Variants in KRTAP19-7 observed in about 807,000 individuals in gnomAD.
KRTAP19-7 encodes the protein keratin-associated protein 19-7.
For synonymous variants in KRTAP19-7, 38 were observed against 31.6 expected (o/e 1.20, Z -0.67); for missense variants, 76 against 78.5 (o/e 0.97, Z 0.12).
In KRTAP19-7 at chr21:30,561,199, T is replaced by C; in HGVS notation, c.91A>G (p.Ser31Gly). 1 of 1,614,104 alleles carries C rather than the reference T, an allele frequency of 6.2e-7. No homozygotes were observed. The highest frequency in any genetic ancestry group is 8.5e-7 in the Non-Finnish European group (1 of 1,179,970). Residue 31 changes from serine (S) to glycine (G), a missense_variant, in exon 1 of 1, where the codon AGC (serine) becomes GGC (glycine). Coordinates refer to ENST00000334849, the MANE Select transcript of KRTAP19-7 (RefSeq NM_181614.3). ...CAGCCATAGCCCAGTCTGCGGAAGC[T>C]GCCACATCCACAGCTATAGCCATAG... ...LGYGYSCGCG[S>G]FRRLGYGCGY...
Position 30,561,106 on chromosome 21 carries a change from A to G in KRTAP19-7, c.184T>C (p.Phe62Leu). Residue 62 changes from phenylalanine to leucine, a missense_variant, in exon 1 of 1, where the codon TTC becomes CTC. By Grantham distance (22) the Phe-to-Leu change is conservative. Coordinates refer to ENST00000334849, the MANE Select transcript of KRTAP19-7 (RefSeq NM_181614.3). ...SCYGGYWSSGFY is the reference protein window; with the variant it reads ...SCYGGYWSSGLY The stretch of plus-strand genomic sequence containing the variant: ...ATATTTCAAGTATTTATTCAATAGA[A>G]TCCAGAAGACCAGTATCCCCCATAG... 1 of 1,613,978 alleles carries G rather than the reference A, an allele frequency of 6.2e-7. No individual in the cohort carries two copies. Among genetic ancestry groups the G allele is most frequent in the Non-Finnish European group, 8.5e-7 (1 of 1,179,868 alleles).
rs758476788 is a variant in KRTAP19-7, at chr21:30,561,173, A to ACAGCCATAGCCC, written c.105_116dup (p.Gly38_Cys39insTrpGlyTyrGly). The ACAGCCATAGCCC allele has an allele frequency of 4.3e-6, 7 of 1,614,134 alleles. No homozygotes were observed. In the South Asian group the frequency reaches 7.7e-5, roughly 18 times the overall value. On this transcript the variant is annotated inframe_insertion, in exon 1 of 1. Transcript: ENST00000334849. ...AGCTGTATCTGTAGCCTCCATAGCCACAGCCATAGCCCAGTCTGCGGAAGC... is the reference window on the plus strand; with the variant it reads ...AGCTGTATCTGTAGCCTCCATAGCCACAGCCATAGCCCCAGCCATAGCCCAGTCTGCGGAAGC...
Position 30,560,949 on chromosome 21 carries a change from A to G in KRTAP19-7, c.*149T>C. On this transcript the variant is annotated 3_prime_UTR_variant, in exon 1 of 1. Coordinates refer to ENST00000334849, the MANE Select transcript of KRTAP19-7 (RefSeq NM_181614.3). Reference sequence around the variant, plus strand: ...CATCACTAATCAAATGCCAATATCTAGTTGATCAAGTTTTCTTCACACTAT... The same window carrying G: ...CATCACTAATCAAATGCCAATATCTGGTTGATCAAGTTTTCTTCACACTAT... 2.7e-6 allele frequency: 2 copies of G among 732,904 alleles called. No homozygotes were observed. The highest frequency in any genetic ancestry group is 4.6e-6 in the Non-Finnish European group (2 of 436,512). 45.4% of individuals were successfully genotyped at this position (732,904 alleles called of 1,614,324 possible). A position where few individuals can be genotyped will look rare whatever the true frequency, so the allele number is the denominator to read the frequency against.
Position 30,560,910 on chromosome 21 carries a change from G to A in KRTAP19-7, c.*188C>T, listed in dbSNP as rs1354466853. 5 of 598,808 alleles carry A rather than the reference G, an allele frequency of 8.3e-6. No individual in the cohort carries two copies. Among genetic ancestry groups the A allele is most frequent in the African/African-American group, 7.4e-5 (4 of 53,792 alleles). 37.1% of individuals were successfully genotyped at this position (598,808 alleles called of 1,614,324 possible). A position where few individuals can be genotyped will look rare whatever the true frequency, so the allele number is the denominator to read the frequency against. On this transcript the variant is annotated 3_prime_UTR_variant, in exon 1 of 1. Transcript: ENST00000334849. Reference sequence around the variant, plus strand: ...ATGGCTCTCCAGCCAATAAAAAAGTGAATATCTGGAGAACATCACTAATCA... The same window carrying A: ...ATGGCTCTCCAGCCAATAAAAAAGTAAATATCTGGAGAACATCACTAATCA...
rs373438605 is a variant in KRTAP19-7, at chr21:30,561,018, A to G, written c.*80T>C. 1,220 of 1,409,078 alleles carry G rather than the reference A, an allele frequency of 8.7e-4. 13 individuals carry two copies. In the South Asian group the frequency reaches 0.013, roughly 15 times the overall value. The allele number at this position is 1,409,078 out of a possible 1,614,324, so 87.3% of individuals were successfully genotyped here. A position where few individuals can be genotyped will look rare whatever the true frequency, so the allele number is the denominator to read the frequency against. On this transcript the variant is annotated 3_prime_UTR_variant, in exon 1 of 1. Transcript: ENST00000334849. ...CCAAGCAGCTGTTTTGTTATGGAAT[A>G]TGGAATTCCATATGGTTATGGAATA...
chr21:30,561,143 G>A lies in KRTAP19-7; in HGVS notation c.147C>T (p.Cys49=), dbSNP rs1208162844. Residue 49 remains cysteine (C), a synonymous_variant, in exon 1 of 1, where the codon TGC becomes TGT. Coordinates refer to ENST00000334849, the MANE Select transcript of KRTAP19-7 (RefSeq NM_181614.3). ...CGYGGYRYSC[C]HPSCYGGYWS... The stretch of plus-strand genomic sequence containing the variant: ...AGTATCCCCCATAGCATGATGGGTG[G>A]CAGCAGCTGTATCTGTAGCCTCCAT... The A allele has an allele frequency of 6.2e-7, 1 of 1,613,936 alleles. No homozygotes were observed. The highest frequency in any genetic ancestry group is 2.2e-5 in the East Asian group (1 of 44,870).
Position 30,561,066 on chromosome 21 carries a change from A to T in KRTAP19-7, c.*32T>A. On this transcript the variant is annotated 3_prime_UTR_variant, in exon 1 of 1. Transcript: ENST00000334849. ...ATAAAGTTTCTTGGAAGAATTGGGAATCTCACAGAAGACTATATTTCAAGT... is the reference window on the plus strand; with the variant it reads ...ATAAAGTTTCTTGGAAGAATTGGGATTCTCACAGAAGACTATATTTCAAGT... 1 of 1,601,054 alleles carries T rather than the reference A, an allele frequency of 6.2e-7. No individual in the cohort carries two copies. The highest frequency in any genetic ancestry group is 1.1e-5 in the South Asian group (1 of 90,382).
In KRTAP19-7 at chr21:30,561,147, C is replaced by T. The variant is rs1328296264; in HGVS notation, c.143G>A (p.Cys48Tyr). 1 of 1,614,088 alleles carries T rather than the reference C, an allele frequency of 6.2e-7. No homozygotes were observed. The highest frequency in any genetic ancestry group is 1.1e-5 in the South Asian group (1 of 91,078). The change falls in exon 1 of 1, where the codon TGC (cysteine) becomes TAC (tyrosine). Residue 48 changes from cysteine (C) to tyrosine (Y), a missense_variant. Physicochemically the swap from Cys to Tyr is radical, Grantham distance 194 (BLOSUM62 -2). Coordinates refer to ENST00000334849, the MANE Select transcript of KRTAP19-7 (RefSeq NM_181614.3). ...GCGYGGYRYSCCHPSCYGGYW... is the reference protein window; with the variant it reads ...GCGYGGYRYSYCHPSCYGGYW... Reference sequence around the variant, plus strand: ...TCCCCCATAGCATGATGGGTGGCAGCAGCTGTATCTGTAGCCTCCATAGCC... The same window carrying T: ...TCCCCCATAGCATGATGGGTGGCAGTAGCTGTATCTGTAGCCTCCATAGCC...
chr21:30,561,124 C>T lies in KRTAP19-7; in HGVS notation c.166G>A (p.Gly56Arg). Residue 56 changes from glycine to arginine, a missense_variant, in exon 1 of 1, where the codon GGA (glycine) becomes AGA (arginine). Gly to Arg is a moderately radical substitution (Grantham distance 125, BLOSUM62 -2). Transcript: ENST00000334849. ...YSCCHPSCYGGYWSSGFY is the reference protein window; with the variant it reads ...YSCCHPSCYGRYWSSGFY Reference sequence around the variant, plus strand: ...CAATAGAATCCAGAAGACCAGTATCCCCCATAGCATGATGGGTGGCAGCAG... The same window carrying T: ...CAATAGAATCCAGAAGACCAGTATCTCCCATAGCATGATGGGTGGCAGCAG... 6.2e-7 allele frequency: 1 copy of T among 1,614,018 alleles called. No homozygotes were observed. Among genetic ancestry groups the T allele is most frequent in the Non-Finnish European group, 8.5e-7 (1 of 1,179,950 alleles).
Position 30,561,048 on chromosome 21 carries a change from T to G in KRTAP19-7, c.*50A>C. On this transcript the variant is annotated 3_prime_UTR_variant, in exon 1 of 1. Transcript: ENST00000334849. Reference sequence around the variant, plus strand: ...ATTCCATATGGTTATGGAATAAAGTTTCTTGGAAGAATTGGGAATCTCACA... The same window carrying G: ...ATTCCATATGGTTATGGAATAAAGTGTCTTGGAAGAATTGGGAATCTCACA... 2.5e-6 allele frequency: 4 copies of G among 1,577,500 alleles called. No individual in the cohort carries two copies. The highest frequency in any genetic ancestry group is 3.5e-6 in the Non-Finnish European group (4 of 1,150,298).
At position 30,561,035 on chromosome 21, in the gene KRTAP19-7, T is replaced by TA; in HGVS notation, c.*62dup. 6.5e-7 allele frequency: 1 copy of TA among 1,535,484 alleles called. No individual in the cohort carries two copies. Among genetic ancestry groups the TA allele is most frequent in the East Asian group, 2.2e-5 (1 of 44,456 alleles). ...TATGGAATATGGAATTCCATATGGTTATGGAATAAAGTTTCTTGGAAGAAT... is the reference window on the plus strand; with the variant it reads ...TATGGAATATGGAATTCCATATGGTTAATGGAATAAAGTTTCTTGGAAGAAT... On this transcript the variant is annotated 3_prime_UTR_variant, in exon 1 of 1. Coordinates refer to ENST00000334849, the MANE Select transcript of KRTAP19-7 (RefSeq NM_181614.3).
Position 30,560,880 on chromosome 21 carries a change from GTA to G in KRTAP19-7, c.*216_*217del. ...ATATTGAAAGACAATCTTTCTTAGA[GTA>G]TAATGGCTCTCCAGCCAATAAAAAA... is the stretch of plus-strand genomic sequence containing the variant. On this transcript the variant is annotated 3_prime_UTR_variant, in exon 1 of 1. Transcript: ENST00000334849. 1 of 544,372 alleles carries G rather than the reference GTA, an allele frequency of 1.8e-6. No homozygotes were observed. The highest frequency in any genetic ancestry group is 3.3e-6 in the Non-Finnish European group (1 of 307,034). The allele number at this position is 544,372 out of a possible 1,614,324, so 33.7% of individuals were successfully genotyped here. A position where few individuals can be genotyped will look rare whatever the true frequency, so the allele number is the denominator to read the frequency against.
chr21:30,561,263 TC>T, the KRTAP19-7 span: 1 of 1,614,052 alleles, frequency 6.2e-7, no homozygotes. Context: ...AGCCTAGGCC[TC>T]CATAGTAGCT....
chr21:30,560,893 C>T lies in KRTAP19-7; in HGVS notation c.*205G>A. The T allele has an allele frequency of 1.8e-6, 1 of 568,842 alleles. No homozygotes were observed. Among genetic ancestry groups the T allele is most frequent in the Non-Finnish European group, 3.1e-6 (1 of 322,762 alleles). 35.2% of individuals were successfully genotyped at this position (568,842 alleles called of 1,614,324 possible). The stretch of plus-strand genomic sequence containing the variant: ...ATCTTTCTTAGAGTATAATGGCTCT[C>T]CAGCCAATAAAAAAGTGAATATCTG... On this transcript the variant is annotated 3_prime_UTR_variant, in exon 1 of 1. Coordinates refer to ENST00000334849, the MANE Select transcript of KRTAP19-7 (RefSeq NM_181614.3).
Position 30,560,891 on chromosome 21 carries a change from C to T in KRTAP19-7, c.*207G>A. ...CAATCTTTCTTAGAGTATAATGGCT[C>T]TCCAGCCAATAAAAAAGTGAATATC... On this transcript the variant is annotated 3_prime_UTR_variant, in exon 1 of 1. Transcript: ENST00000334849. 3.5e-6 allele frequency: 2 copies of T among 566,576 alleles called. No homozygotes were observed. Among genetic ancestry groups the T allele is most frequent in the Middle Eastern group, 9.6e-4 (2 of 2,088 alleles). 35.1% of individuals were successfully genotyped at this position (566,576 alleles called of 1,614,324 possible).
In KRTAP19-7 at chr21:30,560,998, C is replaced by T; in HGVS notation, c.*100G>A. On this transcript the variant is annotated 3_prime_UTR_variant, in exon 1 of 1. Coordinates refer to ENST00000334849, the MANE Select transcript of KRTAP19-7 (RefSeq NM_181614.3). ...ATTGTCAAAAGGCAGGTGATCCAAG[C>T]AGCTGTTTTGTTATGGAATATGGAA... is the stretch of plus-strand genomic sequence containing the variant. 3.3e-6 allele frequency: 4 copies of T among 1,200,682 alleles called. No individual in the cohort carries two copies. The highest frequency in any genetic ancestry group is 4.8e-6 in the Non-Finnish European group (4 of 830,998). The allele number at this position is 1,200,682 out of a possible 1,614,324, so 74.4% of individuals were successfully genotyped here.
At position 30,561,198 on chromosome 21, in the gene KRTAP19-7, C is replaced by T. The variant is rs778797195; in HGVS notation, c.92G>A (p.Ser31Asn). The T allele has an allele frequency of 6.2e-6, 10 of 1,614,118 alleles. No individual in the cohort carries two copies. In the South Asian group the frequency reaches 9.9e-5, roughly 16 times the overall value. ...ACAGCCATAGCCCAGTCTGCGGAAG[C>T]TGCCACATCCACAGCTATAGCCATA... Reference protein sequence around the residue: ...LGYGYSCGCGSFRRLGYGCGY... With the variant: ...LGYGYSCGCGNFRRLGYGCGY... Residue 31 changes from serine (S) to asparagine (N), a missense_variant, in exon 1 of 1, where the codon AGC becomes AAC. Transcript: ENST00000334849.
In KRTAP19-7 at chr21:30,561,066, A is replaced by C; in HGVS notation, c.*32T>G. ...ATAAAGTTTCTTGGAAGAATTGGGA[A>C]TCTCACAGAAGACTATATTTCAAGT... On this transcript the variant is annotated 3_prime_UTR_variant, in exon 1 of 1. Coordinates refer to ENST00000334849, the MANE Select transcript of KRTAP19-7 (RefSeq NM_181614.3). 9.4e-6 allele frequency: 15 copies of C among 1,601,054 alleles called. No individual in the cohort carries two copies. The highest frequency in any genetic ancestry group is 1.3e-5 in the Non-Finnish European group (15 of 1,170,572).
chr21:30,561,050 C>T lies in KRTAP19-7; in HGVS notation c.*48G>A. The T allele has an allele frequency of 1.3e-6, 2 of 1,581,370 alleles. No homozygotes were observed. The highest frequency in any genetic ancestry group is 8.7e-7 in the Non-Finnish European group (1 of 1,153,988). The stretch of plus-strand genomic sequence containing the variant: ...TCCATATGGTTATGGAATAAAGTTT[C>T]TTGGAAGAATTGGGAATCTCACAGA... On this transcript the variant is annotated 3_prime_UTR_variant, in exon 1 of 1. Coordinates refer to ENST00000334849, the MANE Select transcript of KRTAP19-7 (RefSeq NM_181614.3).
Sources: gnomAD v4.1 joint callset for allele counts on GRCh38, gnomAD v4.1.1 for gene constraint, MANE v1.5 for transcripts, NCBI Gene and HGNC (gene_info 2026-07-23, HGNC 2026-07-21) for gene names.